The following PTPRD variants were observed in gnomAD, a reference collection of about 807,000 sequenced individuals.
The protein encoded by PTPRD is protein tyrosine phosphatase receptor type D.
Under a neutral mutation model 214.5 loss-of-function variants are expected in PTPRD, and 34 were observed. The ratio of observed to expected loss-of-function variants is 0.16; its 90% confidence interval spans 0.12 to 0.21. The LOEUF is 0.21. Among genes scored for constraint, PTPRD ranks in the 10% least tolerant of loss-of-function variants. The pLI, the probability that PTPRD is intolerant of heterozygous loss-of-function variation, is 1.00. For synonymous variants in PTPRD, 1,128 were observed against 845.7 expected (o/e 1.33, Z -5.79); for missense variants, 2,545 against 2,398.7 (o/e 1.06, Z -1.27).
intron 7 of PTPRD, among the ~76,000 whole-genome samples, chr9:9,662,090 A>T (rs2096632692): frequency 6.6e-6 from 1 of 151,802 alleles, no homozygotes; most frequent in South Asian, 2.1e-4. Context: ...CTATATGAGA[A>T]ATTACAAGAT....
At chr9:10,230,670 A>C (rs2099606299) in intron 3 of PTPRD, among the ~76,000 whole-genome samples, 1 of 151,976 alleles carries the variant, frequency 6.6e-6, no homozygotes, top group African/African-American at 2.4e-5. Flanking sequence ...GGTTGTTCTT[A>C]AAGTTTCATC....
intron 7 of PTPRD, among the ~76,000 whole-genome samples, chr9:9,590,045 C>T (rs1253869346): frequency 1.3e-5 from 2 of 151,920 alleles, no homozygotes; most frequent in African/African-American, 2.4e-5. Flanking sequence ...ACTTCTTTTA[C>T]TTAAAAGAAA....
At chr9:9,697,677 A>T (rs1016116938) in intron 7 of PTPRD, among the ~76,000 whole-genome samples, 7 of 152,040 alleles carry the variant, frequency 4.6e-5, no homozygotes, top group African/African-American at 1.7e-4. Context: ...TATCTGGGTG[A>T]AATCTGTTTG....
chr9:8,396,956 G>A (rs559505333), intron 36 of PTPRD, among the ~76,000 whole-genome samples: 27 of 152,080 alleles, frequency 1.8e-4, no homozygotes, highest in African/African-American at 6.3e-4. Flanking sequence ...AAAGTACCAC[G>A]AAATAAAATG....
intron 9 of PTPRD, among the ~76,000 whole-genome samples, chr9:9,368,369 T>C (rs1421657278): frequency 6.6e-6 from 1 of 151,820 alleles, no homozygotes; most frequent in African/African-American, 2.4e-5. Context: ...ACAGGTAAGA[T>C]AATAAGTGTT....
rs145919920 is a variant in PTPRD, at chr9:10,272,711, C to T, written c.-545+68252G>A. On this transcript the variant is annotated intron_variant, in intron 3 of 45. Transcript: ENST00000381196. The stretch of plus-strand genomic sequence containing the variant: ...TGAACTCACATAAGTAATAGTTTAT[C>T]CACTATTTTCATTTGAGAACCTGTT... Among the ~76,000 whole-genome samples, 552 of 152,286 alleles carry T rather than the reference C, an allele frequency of 3.6e-3. 1 individual carries two copies. Among genetic ancestry groups the T allele is most frequent in the African/African-American group, 0.013 (528 of 41,558 alleles).
chr9:9,088,671 A>T (rs1180915546), intron 10 of PTPRD, among the ~76,000 whole-genome samples: 1 of 150,874 alleles, frequency 6.6e-6, no homozygotes, highest in Non-Finnish European at 1.5e-5. Flanking sequence ...ATTAACACAG[A>T]GTACTCCATA....
chr9:10,596,906 G>A (rs2076749812), intron 2 of PTPRD, among the ~76,000 whole-genome samples: 1 of 151,424 alleles, frequency 6.6e-6, no homozygotes. Flanking sequence ...TAAAAACCAA[G>A]TCTTAGGTAG....
chr9:9,753,205 G>C (rs1370675421), intron 6 of PTPRD, among the ~76,000 whole-genome samples: 1 of 151,944 alleles, frequency 6.6e-6, no homozygotes, highest in African/African-American at 2.4e-5. Flanking sequence ...CTGTAATTGA[G>C]GGGCCCAGTA....
chr9:9,377,621 C>T (rs1596647133), intron 9 of PTPRD, among the ~76,000 whole-genome samples: 1 of 152,104 alleles, frequency 6.6e-6, no homozygotes, highest in South Asian at 2.1e-4. Flanking sequence ...CCCAGCTTTA[C>T]ATAAAACTAA....
At chr9:9,068,099 G>T (rs2099737813) in intron 10 of PTPRD, among the ~76,000 whole-genome samples, 2 of 151,732 alleles carry the variant, frequency 1.3e-5, no homozygotes, top group Non-Finnish European at 2.9e-5. Flanking sequence ...ACCTTTTTTA[G>T]ATTTTTTTCT....
At chr9:10,496,253 G>A (rs1215885234) in intron 2 of PTPRD, among the ~76,000 whole-genome samples, 1 of 151,728 alleles carries the variant, frequency 6.6e-6, no homozygotes, top group Non-Finnish European at 1.5e-5. Context: ...TACCAGAACT[G>A]CCAGTTAAGA....
chr9:8,582,472 G>A (rs139657924), intron 14 of PTPRD, among the ~76,000 whole-genome samples: 4 of 152,118 alleles, frequency 2.6e-5, no homozygotes, highest in African/African-American at 9.7e-5. Context: ...AGATAGGCTA[G>A]TCCCAGACTG....
At chr9:9,572,786 G>T (rs777634735) in intron 8 of PTPRD, among the ~76,000 whole-genome samples, 1 of 150,994 alleles carries the variant, frequency 6.6e-6, no homozygotes, top group Non-Finnish European at 1.5e-5. Flanking sequence ...AACCACATGA[G>T]AAATAAGAGC....
chr9:10,157,177 C>T (rs1161895775), intron 3 of PTPRD, among the ~76,000 whole-genome samples: 1 of 152,124 alleles, frequency 6.6e-6, no homozygotes, highest in East Asian at 1.9e-4. Context: ...GTCATCATGA[C>T]ATCAGCTGGC....
At chr9:8,488,291 G>A (rs2097076022) in intron 27 of PTPRD, among the ~76,000 whole-genome samples, 1 of 152,160 alleles carries the variant, frequency 6.6e-6, no homozygotes, top group South Asian at 2.1e-4. Context: ...CTTAACCAAT[G>A]GAGCAACAGT....
At chr9:8,627,068 A>T (rs2154308728) in intron 14 of PTPRD, among the ~76,000 whole-genome samples, 1 of 151,758 alleles carries the variant, frequency 6.6e-6, no homozygotes, top group African/African-American at 2.4e-5. Flanking sequence ...CAGACTCCTA[A>T]ATATTCTTCA....
chr9:10,566,241 A>G (rs887396477), intron 2 of PTPRD, among the ~76,000 whole-genome samples: 3 of 151,972 alleles, frequency 2.0e-5, no homozygotes, highest in African/African-American at 7.2e-5. Context: ...ATATTCATAT[A>G]TGTATATTTT....
intron 5 of PTPRD, among the ~76,000 whole-genome samples, chr9:9,874,092 T>A (rs966639623): frequency 6.6e-6 from 1 of 152,138 alleles, no homozygotes; most frequent in African/African-American, 2.4e-5. Context: ...GACCTTGCCC[T>A]TGTAGAATAG....
Sources: allele counts gnomAD v4.1 joint callset (sites outside exome capture counted in the v4.1 genomes callset), GRCh38; gene constraint gnomAD v4.1.1; transcripts MANE v1.5; gene names NCBI Gene and HGNC (gene_info 2026-07-23, HGNC 2026-07-21).